Variants in NPAS3 observed in about 807,000 individuals in gnomAD.
The protein encoded by NPAS3 is neuronal PAS domain-containing protein 3.
A neutral mutation model predicts 73.1 loss-of-function variants in NPAS3; 14 were observed. The observed-to-expected ratio is 0.19, with a 90% CI of 0.13 to 0.30. The LOEUF is 0.30. Among genes scored for constraint, NPAS3 ranks in the 10% least tolerant of loss-of-function variants. The pLI is 1.00. For missense variants in NPAS3, 1,096 were observed against 1,250.0 expected, an observed-to-expected ratio of 0.88 and a Z score of 1.86; for synonymous variants, 620 against 541.5, an observed-to-expected ratio of 1.14 and a Z score of -2.01.
chr14:33,048,224 T>A (rs2040577455), intron 1 of NPAS3, among the ~76,000 whole-genome samples: 1 of 152,180 alleles, frequency 6.6e-6, no homozygotes, highest in South Asian at 2.1e-4. Flanking sequence ...GGTGGTCAGG[T>A]ATTACAGAAA....
At chr14:33,424,681 G>T (rs1003816582) in intron 4 of NPAS3, among the ~76,000 whole-genome samples, 2 of 151,826 alleles carry the variant, frequency 1.3e-5, no homozygotes, top group Non-Finnish European at 2.9e-5. Flanking sequence ...ACAGCAAAGG[G>T]AAGGTGATGC....
At chr14:33,556,474 G>T (rs1223210946) in intron 4 of NPAS3, among the ~76,000 whole-genome samples, 1 of 152,174 alleles carries the variant, frequency 6.6e-6, no homozygotes, top group African/African-American at 2.4e-5. Flanking sequence ...TGTGATATAA[G>T]GAAAAGGGAG....
chr14:33,740,678 G>GAAAC (rs1390513047), intron 7 of NPAS3, among the ~76,000 whole-genome samples: 2 of 152,206 alleles, frequency 1.3e-5, no homozygotes, highest in Admixed American at 6.5e-5. Flanking sequence ...TACTAAAACT[G>GAAAC]AAACATACTG....
chr14:33,385,208 G>C (rs2046726710), intron 4 of NPAS3, among the ~76,000 whole-genome samples: 1 of 152,186 alleles, frequency 6.6e-6, no homozygotes, highest in African/African-American at 2.4e-5. Flanking sequence ...AGTGAAGAGA[G>C]GTGATGTGTA....
At chr14:33,517,848 G>A (rs573053428) in intron 4 of NPAS3, among the ~76,000 whole-genome samples, 8 of 152,068 alleles carry the variant, frequency 5.3e-5, no homozygotes, top group African/African-American at 1.9e-4. Flanking sequence ...TTCATTTCTA[G>A]CATATAGCAC....
intron 2 of NPAS3, among the ~76,000 whole-genome samples, chr14:33,131,877 C>A (rs1403565955): frequency 1.3e-5 from 2 of 152,052 alleles, no homozygotes; most frequent in Non-Finnish European, 2.9e-5. Flanking sequence ...CTTGCAGGAT[C>A]AATTATACTT....
chr14:33,679,457 C>T (rs1384683080), intron 6 of NPAS3, among the ~76,000 whole-genome samples: 2 of 152,076 alleles, frequency 1.3e-5, no homozygotes, highest in African/African-American at 4.8e-5. Flanking sequence ...AGAATTTTAA[C>T]AAGATTTCCT....
At chr14:33,058,948 G>T (rs2040989390) in intron 2 of NPAS3, among the ~76,000 whole-genome samples, 2 of 152,240 alleles carry the variant, frequency 1.3e-5, no homozygotes, top group African/African-American at 4.8e-5. Context: ...GTTCAGGAAT[G>T]AAGAGGCTAC....
chr14:33,024,780 A>G (rs1214483612), intron 1 of NPAS3, among the ~76,000 whole-genome samples: 1 of 152,198 alleles, frequency 6.6e-6, no homozygotes, highest in African/African-American at 2.4e-5. Flanking sequence ...GATAATTTTT[A>G]TTTTGTTTAT....
chr14:33,284,674 A>G (rs552711142), intron 3 of NPAS3, among the ~76,000 whole-genome samples: 1 of 152,310 alleles, frequency 6.6e-6, no homozygotes, highest in Admixed American at 6.5e-5. Flanking sequence ...AGGAAAAAGC[A>G]AATTCACATT....
chr14:33,767,507 C>T lies in NPAS3; in HGVS notation c.853-6830C>T, dbSNP rs1434567599. On this transcript the variant is annotated intron_variant, in intron 7 of 11. Coordinates refer to ENST00000356141, the Ensembl canonical transcript of NPAS3. Reference sequence around the variant, plus strand: ...AAAAAAAGAAAAGGGACCAGAGTGCCAGAAGGAAGCTTAATTTTTAAGGTA... The same window carrying T: ...AAAAAAAGAAAAGGGACCAGAGTGCTAGAAGGAAGCTTAATTTTTAAGGTA... Among the ~76,000 whole-genome samples the T allele has an allele frequency of 3.3e-5, 5 of 150,908 alleles. No individual in the cohort carries two copies. In the East Asian group the frequency reaches 9.7e-4, roughly 29 times the overall value.
At chr14:33,763,678 T>C (rs1162979383) in intron 7 of NPAS3, among the ~76,000 whole-genome samples, 1 of 152,226 alleles carries the variant, frequency 6.6e-6, no homozygotes, top group Non-Finnish European at 1.5e-5. Flanking sequence ...GCTTCCACTC[T>C]GCATTCTTTC....
chr14:33,146,259 G>T (rs1453520332), intron 2 of NPAS3, among the ~76,000 whole-genome samples: 1 of 152,134 alleles, frequency 6.6e-6, no homozygotes, highest in Admixed American at 6.5e-5. Flanking sequence ...TAAAGTGGGG[G>T]AAGCATGAGC....
chr14:33,687,780 T>G (rs1463556685), intron 6 of NPAS3, among the ~76,000 whole-genome samples: 1 of 152,238 alleles, frequency 6.6e-6, no homozygotes, highest in Non-Finnish European at 1.5e-5. Flanking sequence ...TAATTTATTA[T>G]GAATGCATGC....
At chr14:33,093,350 C>T (rs1595432585) in intron 2 of NPAS3, among the ~76,000 whole-genome samples, 1 of 152,124 alleles carries the variant, frequency 6.6e-6, no homozygotes, top group Non-Finnish European at 1.5e-5. Context: ...ATTTATGCAG[C>T]CAACAGACAC....
intron 7 of NPAS3, 120 bp downstream of exon 7, chr14:33,735,452 A>G: frequency 1.4e-6 from 1 of 714,860 alleles, no homozygotes. Flanking sequence ...AGGAGCCCAT[A>G]GGATTCCCAG....
chr14:32,950,064 A>G (rs117189948), intron 1 of NPAS3, among the ~76,000 whole-genome samples: 2,760 of 152,188 alleles, frequency 0.018, 38 homozygotes, highest in Admixed American at 0.032. Flanking sequence ...ACATTTAACT[A>G]TTTCTTCCAT....
At chr14:33,387,705 T>A (rs1468338894) in intron 4 of NPAS3, among the ~76,000 whole-genome samples, 2 of 152,056 alleles carry the variant, frequency 1.3e-5, no homozygotes, top group Non-Finnish European at 1.5e-5. Context: ...ATTGGAGTGG[T>A]GGTAGGTCTC....
chr14:33,676,571 T>C (rs1188679359), intron 6 of NPAS3, among the ~76,000 whole-genome samples, 186 bp downstream of exon 6: 5 of 152,234 alleles, frequency 3.3e-5, no homozygotes, highest in Non-Finnish European at 1.5e-5. Context: ...TTTTAATAAG[T>C]ATAATCCAGA....
Sources: gnomAD v4.1 joint callset for allele counts (sites outside exome capture counted in the v4.1 genomes callset) on GRCh38, gnomAD v4.1.1 for gene constraint, MANE v1.5 for transcripts, NCBI Gene and HGNC (gene_info 2026-07-23, HGNC 2026-07-21) for gene names.